SUMF1: variants seen among roughly 807,000 people sequenced by gnomAD.
SUMF1 encodes formylglycine-generating enzyme.
SUMF1 carries 48 observed loss-of-function variants against 47.6 expected under a neutral mutation model. The observed-to-expected ratio is 1.01, with a 90% CI of 0.80 to 1.28. The LOEUF (loss-of-function observed/expected upper bound fraction) is 1.28, where lower values mean the gene tolerates loss of function less well. Ranked by LOEUF, SUMF1 falls within the 50% of genes most tolerant of loss-of-function variation. The probability of loss-of-function intolerance (pLI) is 0.00; values close to 1 mark genes in which losing one functional copy is unlikely to be tolerated. For missense variants in SUMF1, 571 were observed against 485.4 expected, an observed-to-expected ratio of 1.18 and a Z score of -1.66; for synonymous variants, 230 against 192.1, an observed-to-expected ratio of 1.20 and a Z score of -1.63.
chr3:4,136,270 A>C (rs961840240), intron 8 of SUMF1, among the ~76,000 whole-genome samples: 1 of 152,158 alleles, frequency 6.6e-6, no homozygotes, highest in Non-Finnish European at 1.5e-5. Flanking sequence ...ACTGGTACCA[A>C]AACAGAGATA....
At position 4,284,291 on chromosome 3, in the gene SUMF1, A is replaced by G. The variant is rs1040065049; in HGVS notation, c.1014+92039T>C. Among the ~76,000 whole-genome samples, 28 of 152,044 alleles carry G rather than the reference A, an allele frequency of 1.8e-4. No homozygotes were observed. The South Asian group carries it at 5.2e-3, about 28-fold the overall frequency. On this transcript the variant is annotated intron_variant and NMD_transcript_variant, in intron 8 of 12. Transcript: ENST00000448413. ...GTCATGCATGGTGGCACGTGCCAGT[A>G]GTGCCAGCTACCCGGGGGGCTGAGG...
chr3:4,094,016 T>G (rs1559465130), intron 8 of SUMF1, among the ~76,000 whole-genome samples: 1 of 152,016 alleles, frequency 6.6e-6, no homozygotes, highest in Non-Finnish European at 1.5e-5. Flanking sequence ...AAGGCCCTGG[T>G]CCTGGATTTT....
intron 8 of SUMF1, among the ~76,000 whole-genome samples, chr3:4,354,388 CT>C (rs1406267248): frequency 6.6e-6 from 1 of 152,102 alleles, no homozygotes; most frequent in Non-Finnish European, 1.5e-5. Flanking sequence ...TTCGTTTTTC[CT>C]TCTTTTTAAT....
intron 9 of SUMF1, among the ~76,000 whole-genome samples, chr3:4,040,978 T>C (rs1694898140): frequency 6.6e-6 from 1 of 152,232 alleles, no homozygotes; most frequent in Non-Finnish European, 1.5e-5. Flanking sequence ...AACCTCAGGT[T>C]GGGTGCCCTT....
At chr3:4,278,658 C>T (rs310702) in intron 8 of SUMF1, among the ~76,000 whole-genome samples, 97,284 of 151,950 alleles carry the variant, frequency 0.64, 32,586 homozygotes, top group African/African-American at 0.84. Flanking sequence ...TCAAGTGGCA[C>T]TGTCATCAGT....
chr3:4,215,516 T>A (rs1695902769), intron 8 of SUMF1, among the ~76,000 whole-genome samples: 1 of 152,166 alleles, frequency 6.6e-6, no homozygotes, highest in Admixed American at 6.5e-5. Flanking sequence ...ACCACCCCTA[T>A]TCAACATAGT....
At chr3:4,386,913 A>G (rs571698585) in intron 7 of SUMF1, among the ~76,000 whole-genome samples, 2 of 150,906 alleles carry the variant, frequency 1.3e-5, no homozygotes, top group South Asian at 4.2e-4. Context: ...ACACTGACTG[A>G]TTTTTAAATA....
At chr3:4,311,664 C>A (rs748623055) in intron 8 of SUMF1, among the ~76,000 whole-genome samples, 37 of 152,204 alleles carry the variant, frequency 2.4e-4, no homozygotes, top group Non-Finnish European at 4.7e-4. Flanking sequence ...AGCTCTCAGG[C>A]AGAGCCAAAT....
intron 8 of SUMF1, among the ~76,000 whole-genome samples, chr3:4,238,922 C>A (rs556799367): frequency 6.6e-6 from 1 of 152,020 alleles, no homozygotes; most frequent in East Asian, 1.9e-4. Flanking sequence ...TACACTTAAG[C>A]CTTTAATCCA....
intron 8 of SUMF1, among the ~76,000 whole-genome samples, chr3:4,093,746 G>T (rs1692839779): frequency 6.6e-6 from 1 of 152,176 alleles, no homozygotes; most frequent in South Asian, 2.1e-4. Context: ...GGAGTCAGAT[G>T]ATAATGACTA....
At chr3:4,048,182 T>C (rs1428598987) in intron 9 of SUMF1, among the ~76,000 whole-genome samples, 1 of 152,194 alleles carries the variant, frequency 6.6e-6, no homozygotes, top group African/African-American at 2.4e-5. Context: ...TGGGCTCAAA[T>C]GCTACTTTTT....
At chr3:4,181,932 C>G (rs2587949) in intron 8 of SUMF1, among the ~76,000 whole-genome samples, 72,409 of 152,038 alleles carry the variant, frequency 0.48, 17,439 homozygotes, top group East Asian at 0.58. Context: ...GCTCTGAAGA[C>G]TCCAGAACCT....
chr3:4,279,549 T>C (rs1026815885), intron 8 of SUMF1, among the ~76,000 whole-genome samples: 1 of 152,146 alleles, frequency 6.6e-6, no homozygotes, highest in African/African-American at 2.4e-5. Flanking sequence ...GTAGGCGCTA[T>C]GATCCAACTT....
At chr3:4,466,871 G>C (rs1187780713) in intron 1 of SUMF1, 105 bp downstream of exon 1, 3 of 1,500,744 alleles carry the variant, frequency 2.0e-6, no homozygotes, top group East Asian at 2.5e-5. Flanking sequence ...TTGGGGTGTG[G>C]TTATAACCTT....
At chr3:4,153,481 G>C (rs1395193760) in intron 8 of SUMF1, among the ~76,000 whole-genome samples, 1 of 148,266 alleles carries the variant, frequency 6.7e-6, no homozygotes, top group Non-Finnish European at 1.5e-5. Context: ...TTCCCAAAGT[G>C]CTGAGATTAC....
At chr3:4,324,787 C>T (rs574740421) in intron 8 of SUMF1, among the ~76,000 whole-genome samples, 4 of 152,224 alleles carry the variant, frequency 2.6e-5, no homozygotes, top group Admixed American at 2.0e-4. Context: ...ATTTCCCAAG[C>T]TCAACTTTGC....
At chr3:4,257,795 T>C (rs897994149) in intron 8 of SUMF1, among the ~76,000 whole-genome samples, 1 of 152,000 alleles carries the variant, frequency 6.6e-6, no homozygotes, top group African/African-American at 2.4e-5. Context: ...AAAGAGCCCG[T>C]GTGGCCAAGT....
At chr3:4,135,995 A>G (rs569582600) in intron 8 of SUMF1, among the ~76,000 whole-genome samples, 1 of 152,348 alleles carries the variant, frequency 6.6e-6, no homozygotes, top group African/African-American at 2.4e-5. Context: ...CAAATGGAAG[A>G]ACATTCCATG....
intron 9 of SUMF1, among the ~76,000 whole-genome samples, chr3:4,051,809 A>G (rs1695116213): frequency 6.6e-6 from 1 of 152,138 alleles, no homozygotes; most frequent in African/African-American, 2.4e-5. Context: ...CACATCGGAA[A>G]AGACCTGGCT....
Sources: allele counts gnomAD v4.1 joint callset (sites outside exome capture counted in the v4.1 genomes callset), GRCh38; gene constraint gnomAD v4.1.1; transcripts MANE v1.5; gene names NCBI Gene and HGNC (gene_info 2026-07-23, HGNC 2026-07-21).